The following ZNF609 variants were observed in gnomAD, a reference collection of about 807,000 sequenced individuals.
ZNF609 encodes zinc finger protein 609.
Under a neutral mutation model 109.5 loss-of-function variants are expected in ZNF609, and 11 were observed. That is an observed-to-expected ratio of 0.10 (90% CI 0.06 to 0.17). The LOEUF (loss-of-function observed/expected upper bound fraction) is 0.17, where lower values mean the gene tolerates loss of function less well. ZNF609 is among the 10% of genes least tolerant of loss of function. ZNF609 has a pLI of 1.00. For synonymous variants in ZNF609, 646 were observed against 662.0 expected (o/e 0.98, Z 0.37); for missense variants, 1,559 against 1,772.4 (o/e 0.88, Z 2.16).
chr15:64,581,557 G>A lies in ZNF609; in HGVS notation c.748-41270G>A, dbSNP rs112951178. 9.7e-3 allele frequency among the ~76,000 whole-genome samples: 1,476 copies of A among 152,146 alleles called. 24 individuals carry two copies. Among genetic ancestry groups the A allele is most frequent in the African/African-American group, 0.034 (1,395 of 41,500 alleles). ...TGGTCAGATATAGATAACCTTGCAA[G>A]TGGGGCCTTCCAGGGAACCACCGGA... is the stretch of plus-strand genomic sequence containing the variant. On this transcript the variant is annotated intron_variant, in intron 2 of 9. Coordinates refer to ENST00000326648, the MANE Select transcript of ZNF609 (RefSeq NM_015042.2).
intron 3 of ZNF609, among the ~76,000 whole-genome samples, chr15:64,642,328 C>T (rs1221197088): frequency 5.3e-5 from 8 of 152,030 alleles, no homozygotes; most frequent in African/African-American, 9.7e-5. Flanking sequence ...GAACCACAGG[C>T]GTGTACCACC....
intron 3 of ZNF609, among the ~76,000 whole-genome samples, chr15:64,638,341 C>A (rs1896208206): frequency 6.6e-6 from 1 of 151,412 alleles, no homozygotes; most frequent in South Asian, 2.1e-4. Context: ...TATAAGTCTT[C>A]CAGTTTTGTT....
intron 2 of ZNF609, among the ~76,000 whole-genome samples, chr15:64,540,460 A>C (rs940297746): frequency 1.3e-5 from 2 of 151,942 alleles, no homozygotes; most frequent in African/African-American, 4.8e-5. Flanking sequence ...GCTGGAGTGC[A>C]GTGGTGCAAT....
rs999094308 is a variant in ZNF609, at chr15:64,683,916, C to G, written c.*2230C>G. On this transcript the variant is annotated 3_prime_UTR_variant, in exon 10 of 10. Coordinates refer to ENST00000326648, the MANE Select transcript of ZNF609 (RefSeq NM_015042.2). ...TCCACTCATTCTGTAACACAGAGGACGAACTTCTGTATTAGCTGGGCAGCC... is the reference window on the plus strand; with the variant it reads ...TCCACTCATTCTGTAACACAGAGGAGGAACTTCTGTATTAGCTGGGCAGCC... 1.3e-5 allele frequency: 2 copies of G among 152,228 alleles called. No individual in the cohort carries two copies. The highest frequency in any genetic ancestry group is 3.8e-4 in the East Asian group (2 of 5,204). The allele number at this position is 152,228 out of a possible 1,614,324, so 9.4% of individuals were successfully genotyped here. A position where few individuals can be genotyped will look rare whatever the true frequency, so the allele number is the denominator to read the frequency against.
At chr15:64,557,065 T>C (rs377657916) in intron 2 of ZNF609, among the ~76,000 whole-genome samples, 4 of 152,170 alleles carry the variant, frequency 2.6e-5, no homozygotes, top group African/African-American at 7.2e-5. Context: ...ATGAGATTCT[T>C]GGTTTTGGAG....
chr15:64,555,402 C>A (rs548194715), intron 2 of ZNF609, among the ~76,000 whole-genome samples: 1 of 152,020 alleles, frequency 6.6e-6, no homozygotes, highest in African/African-American at 2.4e-5. Context: ...CAGTGGCGCA[C>A]GCCTGTAATC....
chr15:64,682,230 A>C lies in ZNF609; in HGVS notation c.*544A>C, dbSNP rs2083214185. On this transcript the variant is annotated 3_prime_UTR_variant, in exon 10 of 10. Coordinates refer to ENST00000326648, the MANE Select transcript of ZNF609 (RefSeq NM_015042.2). Reference sequence around the variant, plus strand: ...ATGTGGAGGAACTAGAATCTCAGGAAAGAAATTGGGGGTTGTTTTCTACAT... The same window carrying C: ...ATGTGGAGGAACTAGAATCTCAGGACAGAAATTGGGGGTTGTTTTCTACAT... 6.6e-6 allele frequency: 1 copy of C among 152,666 alleles called. No homozygotes were observed. Among genetic ancestry groups the C allele is most frequent in the African/African-American group, 2.4e-5 (1 of 41,466 alleles). 9.5% of individuals were successfully genotyped at this position (152,666 alleles called of 1,614,324 possible).
At chr15:64,460,954 G>A (rs1396420769) in intron 1 of ZNF609, 116 bp downstream of exon 1, 3 of 111,978 alleles carry the variant, frequency 2.7e-5, no homozygotes, top group Non-Finnish European at 5.6e-5. Flanking sequence ...GCTGCCTGAC[G>A]GAGGAAGTGG....
chr15:64,501,006 C>T (rs1404375504), intron 2 of ZNF609: 1 of 153,904 alleles, frequency 6.5e-6, no homozygotes, highest in African/African-American at 2.4e-5. Context: ...GGAAATGGAA[C>T]TTGCAGGGCT....
intron 2 of ZNF609, among the ~76,000 whole-genome samples, chr15:64,576,873 C>A (rs1486567266): frequency 1.5e-5 from 2 of 136,646 alleles, no homozygotes; most frequent in African/African-American, 2.8e-5. Context: ...TTTTAAGAAT[C>A]ATATATATAC....
chr15:64,675,733 T>A lies in ZNF609; in HGVS notation c.2879T>A (p.Val960Asp). Residue 960 changes from valine (V) to aspartate (D), a missense_variant, in exon 5 of 10, where the codon GTC becomes GAC. Physicochemically the swap from Val to Asp is radical, Grantham distance 152. This residue lies in a region of ZNF609 where 1,204 missense variants were observed against 1,314.1 expected (regional missense o/e 0.92). Coordinates refer to ENST00000326648, the MANE Select transcript of ZNF609 (RefSeq NM_015042.2). ...ELSSSSQQPS[V>D]IQQRPNMYMQ... ...AGCAGTTCCAGTCAGCAGCCCTCGG[T>A]CATCCAGCAGCGTCCCAATATGTAC... The A allele has an allele frequency of 6.2e-7, 1 of 1,614,130 alleles. No individual in the cohort carries two copies. Among genetic ancestry groups the A allele is most frequent in the Non-Finnish European group, 8.5e-7 (1 of 1,180,036 alleles).
chr15:64,655,448 CAG>C lies in ZNF609; in HGVS notation c.974-14896_974-14895del, dbSNP rs1896476963. ...CAAAACTCCATCCCCCGCAAAAAAT[CAG>C]AATGATATCTATAACATAATACTAA... is the stretch of plus-strand genomic sequence containing the variant. On this transcript the variant is annotated intron_variant, in intron 3 of 9. Transcript: ENST00000326648. Among the ~76,000 whole-genome samples the C allele has an allele frequency of 2.0e-5, 3 of 151,932 alleles. No homozygotes were observed. The South Asian group carries it at 6.2e-4, about 32-fold the overall frequency.
chr15:64,532,683 A>C (rs1276345822), intron 2 of ZNF609, among the ~76,000 whole-genome samples: 1 of 152,216 alleles, frequency 6.6e-6, no homozygotes, highest in Non-Finnish European at 1.5e-5. Context: ...GGACATCTTT[A>C]TGGTGAGCTT....
chr15:64,500,426 C>G (rs769462601), intron 2 of ZNF609: 17 of 701,556 alleles, frequency 2.4e-5, no homozygotes, highest in Non-Finnish European at 4.4e-5. Context: ...AATGAACTTT[C>G]TGTAGTCTGA....
chr15:64,468,551 C>T (rs904570959), intron 1 of ZNF609, among the ~76,000 whole-genome samples: 2 of 151,880 alleles, frequency 1.3e-5, no homozygotes, highest in African/African-American at 4.8e-5. Flanking sequence ...TGTGACCAGC[C>T]CAATTTTTAA....
intron 3 of ZNF609, among the ~76,000 whole-genome samples, chr15:64,651,039 A>G (rs1179024446): frequency 6.6e-6 from 1 of 152,150 alleles, no homozygotes; most frequent in Non-Finnish European, 1.5e-5. Flanking sequence ...TTTTAGTAAT[A>G]GTTTTGAGGC....
chr15:64,531,134 A>T (rs753731873), intron 2 of ZNF609, among the ~76,000 whole-genome samples: 1 of 152,082 alleles, frequency 6.6e-6, no homozygotes, highest in African/African-American at 2.4e-5. Context: ...CATTTCCATT[A>T]CTTGAATTAC....
intron 2 of ZNF609, among the ~76,000 whole-genome samples, chr15:64,611,195 A>AG (rs1895711465): frequency 1.3e-5 from 2 of 152,156 alleles, no homozygotes; most frequent in African/African-American, 4.8e-5. Context: ...TTGTAACCAT[A>AG]CAGGAATAGG....
intron 2 of ZNF609, among the ~76,000 whole-genome samples, chr15:64,535,731 A>G (rs1187090267): frequency 6.6e-6 from 1 of 152,206 alleles, no homozygotes; most frequent in African/African-American, 2.4e-5. Flanking sequence ...ATTTTACATT[A>G]CCACCAGCAA....
Sources: allele counts gnomAD v4.1 joint callset (sites outside exome capture counted in the v4.1 genomes callset), GRCh38; gene constraint gnomAD v4.1.1; regional missense constraint gnomAD v4.1.1; transcripts MANE v1.5; gene names NCBI Gene and HGNC (gene_info 2026-07-23, HGNC 2026-07-21).